SGMS1: variants seen among roughly 807,000 people sequenced by gnomAD.
The protein encoded by SGMS1 is sphingomyelin synthase 1.
A neutral mutation model predicts 46.2 loss-of-function variants in SGMS1; 13 were observed. The observed-to-expected ratio is 0.28, with a 90% CI of 0.18 to 0.45. The LOEUF (loss-of-function observed/expected upper bound fraction) is 0.45. Among genes scored for constraint, SGMS1 ranks in the 20% least tolerant of loss-of-function variants. The pLI is 1.00. For synonymous variants in SGMS1, 203 were observed against 187.8 expected, an observed-to-expected ratio of 1.08 and a Z score of -0.66; for missense variants, 324 against 519.9, an observed-to-expected ratio of 0.62 and a Z score of 3.66.
rs554727507 is a variant in SGMS1 at position 50,607,235 on chromosome 10, G to A, written c.-684+16472C>T. 1.3e-4 allele frequency among the ~76,000 whole-genome samples: 20 copies of A among 150,030 alleles called. No homozygotes were observed. The East Asian group carries it at 1.8e-3, about 13-fold the overall frequency. ...TGGGCTCAAACGATCCACCCACCTCGGCCTCCCAAAGTGCTAGGATTACAT... is the reference window on the plus strand; with the variant it reads ...TGGGCTCAAACGATCCACCCACCTCAGCCTCCCAAAGTGCTAGGATTACAT... On this transcript the variant is annotated intron_variant, in intron 1 of 10. Coordinates refer to ENST00000361781, the MANE Select transcript of SGMS1 (RefSeq NM_147156.4).
chr10:50,371,755 AGAATTGAAG>A (rs1489017853), intron 6 of SGMS1, among the ~76,000 whole-genome samples: 2 of 152,336 alleles, frequency 1.3e-5, no homozygotes, highest in Non-Finnish European at 2.9e-5. Context: ...CTGCTGTAAC[AGAATTGAAG>A]GCTAGGAAGT....
intron 6 of SGMS1, among the ~76,000 whole-genome samples, chr10:50,351,613 G>A (rs564177894): frequency 6.6e-6 from 1 of 152,300 alleles, no homozygotes; most frequent in South Asian, 2.1e-4. Flanking sequence ...TAAGTCTCAT[G>A]AGATCTGATG....
chr10:50,544,743 C>G (rs531594649), intron 2 of SGMS1, among the ~76,000 whole-genome samples: 2 of 152,246 alleles, frequency 1.3e-5, no homozygotes, highest in African/African-American at 4.8e-5. Context: ...TAAACAGGAG[C>G]CAGGTGGATG....
intron 5 of SGMS1, among the ~76,000 whole-genome samples, chr10:50,454,082 G>T (rs1015465363): frequency 1.1e-3 from 122 of 110,204 alleles, no homozygotes; most frequent in Non-Finnish European, 2.1e-3. Flanking sequence ...AAGAAAGAAA[G>T]AAATGAGTTT....
At chr10:50,611,769 T>C (rs1033031136) in intron 1 of SGMS1, among the ~76,000 whole-genome samples, 19 of 152,252 alleles carry the variant, frequency 1.2e-4, no homozygotes, top group African/African-American at 4.6e-4. Context: ...TGCACCTTCA[T>C]CCCTGCCGCT....
chr10:50,433,195 C>A (rs562448661), intron 6 of SGMS1, among the ~76,000 whole-genome samples: 1 of 152,288 alleles, frequency 6.6e-6, no homozygotes, highest in Non-Finnish European at 1.5e-5. Flanking sequence ...TAAATGCTGA[C>A]CATGTGCAGG....
chr10:50,556,646 C>A (rs537324740), intron 2 of SGMS1, among the ~76,000 whole-genome samples: 1 of 152,310 alleles, frequency 6.6e-6, no homozygotes, highest in South Asian at 2.1e-4. Flanking sequence ...CGCACAGACG[C>A]AGCAACAACT....
intron 3 of SGMS1, among the ~76,000 whole-genome samples, chr10:50,516,594 G>A (rs562146811): frequency 2.2e-4 from 33 of 152,196 alleles, no homozygotes; most frequent in African/African-American, 7.0e-4. Flanking sequence ...AAAGAACCCC[G>A]GCAAAAGTGT....
At chr10:50,593,025 C>T (rs1199507542) in intron 1 of SGMS1, among the ~76,000 whole-genome samples, 1 of 151,232 alleles carries the variant, frequency 6.6e-6, no homozygotes, top group Non-Finnish European at 1.5e-5. Context: ...GAAATGCTGG[C>T]GTGAGACTGC....
At chr10:50,324,535 T>C (rs917982082) in intron 8 of SGMS1, among the ~76,000 whole-genome samples, 8 of 152,182 alleles carry the variant, frequency 5.3e-5, no homozygotes, top group Admixed American at 4.6e-4. Flanking sequence ...TTTTCTGTCT[T>C]CAGATACTCG....
chr10:50,521,809 C>G (rs138110022), intron 2 of SGMS1, among the ~76,000 whole-genome samples: 3 of 152,288 alleles, frequency 2.0e-5, no homozygotes, highest in Non-Finnish European at 2.9e-5. Context: ...GATATCACAT[C>G]TAAAGGCACA....
At chr10:50,509,201 C>A (rs1837733290) in intron 3 of SGMS1, among the ~76,000 whole-genome samples, 1 of 152,174 alleles carries the variant, frequency 6.6e-6, no homozygotes, top group Admixed American at 6.5e-5. Flanking sequence ...CGAATCACAG[C>A]CAAGAGTTTG....
At chr10:50,413,691 C>T (rs1034626284) in intron 6 of SGMS1, among the ~76,000 whole-genome samples, 1 of 152,172 alleles carries the variant, frequency 6.6e-6, no homozygotes, top group Non-Finnish European at 1.5e-5. Context: ...ACCAAATTTT[C>T]CCTGGGGGTT....
intron 1 of SGMS1, among the ~76,000 whole-genome samples, chr10:50,596,323 T>C (rs1838592469): frequency 6.6e-6 from 1 of 152,158 alleles, no homozygotes. Flanking sequence ...ATTACAGGCA[T>C]TCACCACAAC....
At chr10:50,392,252 C>T (rs1173114573) in intron 6 of SGMS1, among the ~76,000 whole-genome samples, 2 of 150,474 alleles carry the variant, frequency 1.3e-5, no homozygotes, top group African/African-American at 2.4e-5. Flanking sequence ...AGATGGCAAA[C>T]TTATAAATGA....
intron 3 of SGMS1, among the ~76,000 whole-genome samples, chr10:50,494,811 C>T (rs918574573): frequency 1.3e-5 from 2 of 151,928 alleles, no homozygotes; most frequent in East Asian, 1.9e-4. Flanking sequence ...CCGAGGCGGG[C>T]GGATCACGAG....
At chr10:50,596,171 C>T (rs922747156) in intron 1 of SGMS1, among the ~76,000 whole-genome samples, 1 of 137,828 alleles carries the variant, frequency 7.3e-6, no homozygotes, top group Non-Finnish European at 1.5e-5. Context: ...TTACTTGTAT[C>T]ACGATTTTTT....
At chr10:50,506,526 G>A (rs1481668003) in intron 3 of SGMS1, among the ~76,000 whole-genome samples, 1 of 152,022 alleles carries the variant, frequency 6.6e-6, no homozygotes, top group Non-Finnish European at 1.5e-5. Context: ...AAGTCCCTAA[G>A]TGAGCCATTC....
At chr10:50,536,029 C>A (rs1205038351) in intron 2 of SGMS1, among the ~76,000 whole-genome samples, 1 of 152,072 alleles carries the variant, frequency 6.6e-6, no homozygotes, top group African/African-American at 2.4e-5. Context: ...ATATCCACTC[C>A]TTGTAATCAA....
Sources: gnomAD v4.1 joint callset for allele counts (sites outside exome capture counted in the v4.1 genomes callset) on GRCh38, gnomAD v4.1.1 for gene constraint, MANE v1.5 for transcripts, NCBI Gene and HGNC (gene_info 2026-07-23, HGNC 2026-07-21) for gene names.